The following CSMD1 variants were observed in gnomAD, a reference collection of about 807,000 sequenced individuals.
CSMD1 encodes the protein CUB and sushi domain-containing protein 1.
A neutral mutation model predicts 417.5 loss-of-function variants in CSMD1; 213 were observed. That is an observed-to-expected ratio of 0.51 (90% CI 0.46 to 0.57). The LOEUF (loss-of-function observed/expected upper bound fraction) is 0.57. CSMD1 is among the 20% of genes least tolerant of loss of function. CSMD1 has a pLI of 0.00. For synonymous variants in CSMD1, 2,862 were observed against 1,736.8 expected (o/e 1.65, Z -16.11); for missense variants, 6,923 against 4,529.7 (o/e 1.53, Z -15.17).
chr8:4,509,506 G>A (rs1010597979), intron 2 of CSMD1, among the ~76,000 whole-genome samples: 4 of 152,132 alleles, frequency 2.6e-5, no homozygotes, highest in Middle Eastern at 3.2e-3. Context: ...CGCTGTCTAC[G>A]TCTGCTACCT....
At chr8:4,187,085 C>G (rs1373518193) in intron 3 of CSMD1, among the ~76,000 whole-genome samples, 4 of 152,172 alleles carry the variant, frequency 2.6e-5, no homozygotes, top group South Asian at 4.1e-4. Context: ...AACATTATCT[C>G]TAAGGTCCCT....
intron 5 of CSMD1, among the ~76,000 whole-genome samples, chr8:3,836,577 G>A (rs1802720926): frequency 6.6e-6 from 1 of 152,068 alleles, no homozygotes; most frequent in South Asian, 2.1e-4. Context: ...TTGAAGCTTG[G>A]TCTTTGAAGC....
intron 2 of CSMD1, among the ~76,000 whole-genome samples, chr8:4,547,985 G>T (rs1203821012): frequency 6.6e-6 from 1 of 152,136 alleles, no homozygotes; most frequent in Non-Finnish European, 1.5e-5. Context: ...AGCAAATGTA[G>T]GCCAGGCACT....
intron 1 of CSMD1, among the ~76,000 whole-genome samples, chr8:4,834,922 A>T (rs762979150): frequency 7.8e-6 from 1 of 127,636 alleles, no homozygotes; most frequent in African/African-American, 2.9e-5. Context: ...GCGCCACTGC[A>T]CTCCAGCCTG....
At position 3,754,168 on chromosome 8, in the gene CSMD1, G is replaced by C. The variant is rs151219957; in HGVS notation, c.819-126C>G. 13 of 556,982 alleles carry C rather than the reference G, an allele frequency of 2.3e-5. No individual in the cohort carries two copies. In the East Asian group the frequency reaches 3.6e-4, roughly 15 times the overall value. 34.5% of individuals were successfully genotyped at this position (556,982 alleles called of 1,614,324 possible). ...TTGAGATGCTTAAAACAGAGGCCAT[G>C]TATTAATTGACTTTGAACCTTAAAA... On this transcript the variant is annotated intron_variant, in intron 5 of 69. Transcript: ENST00000635120.
chr8:4,750,990 G>C (rs1221945556), intron 1 of CSMD1, among the ~76,000 whole-genome samples: 2 of 152,192 alleles, frequency 1.3e-5, no homozygotes, highest in Non-Finnish European at 2.9e-5. Flanking sequence ...CTTTAACCTG[G>C]ATTGTCAGAC....
At chr8:4,057,582 G>T (rs775379391) in intron 3 of CSMD1, among the ~76,000 whole-genome samples, 1 of 151,796 alleles carries the variant, frequency 6.6e-6, no homozygotes, top group African/African-American at 2.4e-5. Flanking sequence ...CATTGCTTTT[G>T]GTGTTATAGA....
intron 2 of CSMD1, among the ~76,000 whole-genome samples, chr8:4,484,345 GA>G (rs1801254731): frequency 6.6e-6 from 1 of 152,056 alleles, no homozygotes; most frequent in Non-Finnish European, 1.5e-5. Flanking sequence ...TTAACATTGA[GA>G]GAAAGAGAAA....
intron 50 of CSMD1, among the ~76,000 whole-genome samples, chr8:3,039,344 C>CTTACT (rs1810919353): frequency 8.3e-5 from 12 of 145,102 alleles, no homozygotes; most frequent in African/African-American, 3.2e-4. Context: ...TCTTCCTTTC[C>CTTACT]GCCTTCCTTC....
At chr8:4,272,328 T>C (rs985001653) in intron 3 of CSMD1, among the ~76,000 whole-genome samples, 4 of 152,200 alleles carry the variant, frequency 2.6e-5, no homozygotes, top group African/African-American at 9.6e-5. Context: ...CAAAACTACA[T>C]TGAACAAAAG....
chr8:3,273,072 T>C lies in CSMD1; in HGVS notation c.4153+11072A>G, dbSNP rs376144037. Among the ~76,000 whole-genome samples, 278 of 152,178 alleles carry C rather than the reference T, an allele frequency of 1.8e-3. 2 individuals carry two copies. The highest frequency in any genetic ancestry group is 6.0e-3 in the African/African-American group (249 of 41,510). ...GGTATGATATTGGCTGTGGGTTTGT[T>C]ATAGATAGCTCTTATTATTTTGAGA... On this transcript the variant is annotated intron_variant, in intron 26 of 69. Coordinates refer to ENST00000635120, the MANE Select transcript of CSMD1 (RefSeq NM_033225.6).
intron 3 of CSMD1, among the ~76,000 whole-genome samples, chr8:4,346,001 T>G (rs1427227086): frequency 6.6e-6 from 1 of 152,172 alleles, no homozygotes; most frequent in Non-Finnish European, 1.5e-5. Context: ...TAGTTCACAT[T>G]AGTATAAAAT....
chr8:4,854,565 G>T (rs1043770299), intron 1 of CSMD1, among the ~76,000 whole-genome samples: 1 of 152,298 alleles, frequency 6.6e-6, no homozygotes, highest in South Asian at 2.1e-4. Context: ...CGCACCGTGC[G>T]TGAGCTGAAG....
At chr8:4,972,689 C>G (rs1810314166) in intron 1 of CSMD1, among the ~76,000 whole-genome samples, 1 of 148,442 alleles carries the variant, frequency 6.7e-6, no homozygotes, top group African/African-American at 2.5e-5. Context: ...CTTCAACAAC[C>G]CTGAATTTAA....
In CSMD1 at chr8:2,955,824, G is replaced by A. The variant is rs990894494; in HGVS notation, c.9815-56C>T. 2.0e-6 allele frequency: 3 copies of A among 1,507,970 alleles called. No individual in the cohort carries two copies. In the African/African-American group the frequency reaches 4.2e-5, roughly 21 times the overall value. 93.4% of individuals were successfully genotyped at this position (1,507,970 alleles called of 1,614,324 possible). On this transcript the variant is annotated intron_variant, in intron 63 of 69. Transcript: ENST00000635120. The stretch of plus-strand genomic sequence containing the variant: ...TGTTTATTGTAAAGTTAGCACATGT[G>A]TCTAGAGAAATTAATAGATTAAAAT...
At chr8:4,898,053 GT>G in intron 1 of CSMD1, among the ~76,000 whole-genome samples, 1 of 152,200 alleles carries the variant, frequency 6.6e-6, no homozygotes, top group South Asian at 2.1e-4. Context: ...AGAAAATTTG[GT>G]TTTATTAGTT....
At chr8:4,986,806 T>C (rs186076968) in intron 1 of CSMD1, among the ~76,000 whole-genome samples, 1 of 152,206 alleles carries the variant, frequency 6.6e-6, no homozygotes, top group East Asian at 1.9e-4. Flanking sequence ...CTGAATTAAT[T>C]GCACAATTTC....
chr8:4,517,106 G>A (rs1376632724), intron 2 of CSMD1, among the ~76,000 whole-genome samples: 1 of 152,108 alleles, frequency 6.6e-6, no homozygotes, highest in African/African-American at 2.4e-5. Context: ...AGCTTTTCCT[G>A]TAGAAGACTG....
intron 49 of CSMD1, among the ~76,000 whole-genome samples, chr8:3,083,939 C>T (rs550573807): frequency 1.3e-5 from 2 of 152,040 alleles, no homozygotes; most frequent in African/African-American, 4.8e-5. Context: ...GCTTGGAATA[C>T]AGGTGTCAGC....
Sources: allele counts gnomAD v4.1 joint callset (sites outside exome capture counted in the v4.1 genomes callset), GRCh38; gene constraint gnomAD v4.1.1; transcripts MANE v1.5; gene names NCBI Gene and HGNC (gene_info 2026-07-23, HGNC 2026-07-21).